Variants in MIS18A observed in about 807,000 individuals in gnomAD.
MIS18A encodes protein Mis18-alpha.
Under a neutral mutation model 25.0 loss-of-function variants are expected in MIS18A, and 14 were observed. That is an observed-to-expected ratio of 0.56 (90% CI 0.37 to 0.88). The LOEUF (loss-of-function observed/expected upper bound fraction) is 0.88. Ranked by LOEUF, MIS18A falls within the 40% of genes least tolerant of loss-of-function variation. MIS18A has a pLI of 0.00. For missense variants in MIS18A, 292 were observed against 290.8 expected (o/e 1.00, Z -0.03); for synonymous variants, 134 against 118.6 (o/e 1.13, Z -0.84).
At chr21:32,240,778 G>GT in the MIS18A span, among the ~76,000 whole-genome samples, 152,207 of 152,224 alleles carry the variant, frequency 1, 76,095 homozygotes, top group Middle Eastern at 1. Flanking sequence ...TGTGGTTTTG[G>GT]TTTTTTTAAA....
intron 2 of MIS18A, among the ~76,000 whole-genome samples, chr21:32,274,197 C>CTTT (rs1184186125): frequency 4.0e-4 from 29 of 72,770 alleles, no homozygotes; most frequent in African/African-American, 4.9e-4. Context: ...TCCTTTTCTT[C>CTTT]TTTTTTTTTT....
the MIS18A span, among the ~76,000 whole-genome samples, chr21:32,162,480 C>A: frequency 5.3e-5 from 8 of 152,300 alleles, no homozygotes; most frequent in African/African-American, 1.9e-4. Context: ...TTTCAACTCC[C>A]AACTCTATGA....
the MIS18A span, among the ~76,000 whole-genome samples, chr21:32,252,695 G>T: frequency 6.6e-6 from 1 of 152,174 alleles, no homozygotes; most frequent in African/African-American, 2.4e-5. Flanking sequence ...AAGTTTGGGG[G>T]CCTGACCAGG....
the MIS18A span, among the ~76,000 whole-genome samples, chr21:32,243,114 T>C: frequency 6.6e-6 from 1 of 152,084 alleles, no homozygotes. Context: ...AAATTCAAAA[T>C]AGATCACAAA....
chr21:32,242,497 T>TA, the MIS18A span, among the ~76,000 whole-genome samples: 24 of 148,748 alleles, frequency 1.6e-4, no homozygotes, highest in South Asian at 1.7e-3. Context: ...AGACTGTACT[T>TA]AAAAAAAAAA....
the MIS18A span, among the ~76,000 whole-genome samples, chr21:32,176,102 T>G: frequency 6.6e-6 from 1 of 152,182 alleles, no homozygotes; most frequent in African/African-American, 2.4e-5. Context: ...CCGAAGGACA[T>G]GCCTGAGGCT....
the MIS18A span, among the ~76,000 whole-genome samples, chr21:32,230,092 T>C: frequency 6.6e-6 from 1 of 152,226 alleles, no homozygotes; most frequent in Non-Finnish European, 1.5e-5. Context: ...TGCTATCAAG[T>C]ACTTCCAAAG....
the MIS18A span, among the ~76,000 whole-genome samples, chr21:32,192,812 G>A: frequency 6.6e-6 from 1 of 152,196 alleles, no homozygotes; most frequent in South Asian, 2.1e-4. Flanking sequence ...TTGCAAGGTG[G>A]GAGCAGTCAC....
At chr21:32,185,732 T>C in the MIS18A span, among the ~76,000 whole-genome samples, 1 of 152,098 alleles carries the variant, frequency 6.6e-6, no homozygotes, top group Non-Finnish European at 1.5e-5. Context: ...CTCTGTCTAG[T>C]TCTTACCCAC....
the MIS18A span, among the ~76,000 whole-genome samples, chr21:32,232,275 C>T: frequency 6.6e-6 from 1 of 151,184 alleles, no homozygotes; most frequent in Non-Finnish European, 1.5e-5. Flanking sequence ...ATGTGCATAC[C>T]ACAATTTCTT....
the MIS18A span, among the ~76,000 whole-genome samples, chr21:32,206,268 C>T: frequency 1.3e-5 from 2 of 152,266 alleles, no homozygotes; most frequent in Admixed American, 6.5e-5. Flanking sequence ...TTTTCCATCC[C>T]TTCCATGTGT....
the MIS18A span, among the ~76,000 whole-genome samples, chr21:32,157,520 G>GT: frequency 6.0e-5 from 9 of 150,816 alleles, no homozygotes; most frequent in South Asian, 4.2e-4. Context: ...TTATAGTAAA[G>GT]TTTTTTTTTG....
chr21:32,193,389 C>T, the MIS18A span, among the ~76,000 whole-genome samples: 25 of 152,278 alleles, frequency 1.6e-4, no homozygotes, highest in African/African-American at 4.6e-4. Flanking sequence ...GAAACTCGCA[C>T]GTTTCAGCCC....
chr21:32,200,348 T>C, the MIS18A span, among the ~76,000 whole-genome samples: 2 of 152,170 alleles, frequency 1.3e-5, no homozygotes, highest in East Asian at 3.9e-4. Context: ...GTGGGTTGGG[T>C]TGTACCTGGT....
the MIS18A span, among the ~76,000 whole-genome samples, chr21:32,215,682 C>T: frequency 2.0e-5 from 3 of 152,134 alleles, no homozygotes; most frequent in Non-Finnish European, 2.9e-5. Flanking sequence ...CTTTCTTGCC[C>T]TCTTACTCAT....
the MIS18A span, among the ~76,000 whole-genome samples, chr21:32,253,545 G>T: frequency 6.6e-6 from 1 of 152,174 alleles, no homozygotes; most frequent in African/African-American, 2.4e-5. Flanking sequence ...ATCATGCCCA[G>T]ATCACTCCAT....
the MIS18A span, among the ~76,000 whole-genome samples, chr21:32,157,223 A>ATTTTT: frequency 8.3e-5 from 6 of 72,320 alleles, no homozygotes; most frequent in South Asian, 5.0e-4. Flanking sequence ...TACCCGGCTA[A>ATTTTT]TTTTTTTTTT....
At chr21:32,184,234 T>C in the MIS18A span, among the ~76,000 whole-genome samples, 2 of 152,216 alleles carry the variant, frequency 1.3e-5, no homozygotes, top group African/African-American at 2.4e-5. Context: ...CGCGACTTGC[T>C]TGTTTGGCCG....
At chr21:32,209,444 C>A in the MIS18A span, among the ~76,000 whole-genome samples, 2 of 152,124 alleles carry the variant, frequency 1.3e-5, no homozygotes, top group African/African-American at 2.4e-5. Flanking sequence ...TTTCCACAAG[C>A]CCAAATTATT....
Sources: gnomAD v4.1 joint callset for allele counts (sites outside exome capture counted in the v4.1 genomes callset) on GRCh38, gnomAD v4.1.1 for gene constraint, MANE v1.5 for transcripts, NCBI Gene and HGNC (gene_info 2026-07-23, HGNC 2026-07-21) for gene names.